ABCB1: variants seen among roughly 807,000 people sequenced by gnomAD.
The protein encoded by ABCB1 is ATP binding cassette subfamily B member 1, also known as ATP-dependent translocase ABCB1.
In ABCB1, 69 loss-of-function variants were observed where a neutral mutation model predicts 142.0. The ratio of observed to expected loss-of-function variants is 0.49; its 90% CI spans 0.40 to 0.59. The LOEUF (loss-of-function observed/expected upper bound fraction) is 0.59, where lower values mean the gene tolerates loss of function less well. ABCB1 is among the 20% of genes least tolerant of loss of function. ABCB1 has a pLI of 0.00. For synonymous variants in ABCB1, 532 were observed against 539.2 expected, an observed-to-expected ratio of 0.99 and a Z score of 0.18; for missense variants, 1,326 against 1,554.7, an observed-to-expected ratio of 0.85 and a Z score of 2.47.
At chr7:87,526,250 G>A (rs1815779621) in intron 21 of ABCB1, among the ~76,000 whole-genome samples, 1 of 151,282 alleles carries the variant, frequency 6.6e-6, no homozygotes, top group African/African-American at 2.4e-5. Context: ...TGTACATCTG[G>A]ACACAGTTTT....
chr7:87,547,256 G>C (rs1816823420), intron 14 of ABCB1, among the ~76,000 whole-genome samples: 1 of 152,128 alleles, frequency 6.6e-6, no homozygotes, highest in African/African-American at 2.4e-5. Context: ...AAAATTAGGT[G>C]GTAGAAACTA....
intron 14 of ABCB1, 85 bp from the exon 15 acceptor site, chr7:87,546,109 T>A: frequency 2.2e-6 from 3 of 1,371,818 alleles, no homozygotes; most frequent in Non-Finnish European, 3.1e-6. Context: ...ACTGAACCAA[T>A]GCTGTGGGCA....
intron 21 of ABCB1, among the ~76,000 whole-genome samples, chr7:87,525,797 A>G (rs931750246): frequency 2.0e-5 from 3 of 152,036 alleles, no homozygotes; most frequent in African/African-American, 7.2e-5. Flanking sequence ...AAAGGCAGGC[A>G]CACCTGGTGT....
intron 23 of ABCB1, among the ~76,000 whole-genome samples, chr7:87,518,220 A>G (rs1260257396): frequency 6.6e-6 from 1 of 152,174 alleles, no homozygotes; most frequent in Non-Finnish European, 1.5e-5. Context: ...TAAAATACCG[A>G]TAGTTAATCT....
At chr7:87,512,895 C>T (rs1012416940) in intron 25 of ABCB1, among the ~76,000 whole-genome samples, 28 of 152,304 alleles carry the variant, frequency 1.8e-4, no homozygotes, top group African/African-American at 6.5e-4. Flanking sequence ...GTCCTATGCA[C>T]TCAGCATTCA....
chr7:87,704,712 TCAAA>T (rs1829434961), intron 1 of ABCB1, among the ~76,000 whole-genome samples: 1 of 152,220 alleles, frequency 6.6e-6, no homozygotes, highest in Non-Finnish European at 1.5e-5. Flanking sequence ...TGCTCAGGCC[TCAAA>T]CAGATTCCAT....
intron 17 of ABCB1, 83 bp from the exon 18 acceptor site, chr7:87,541,547 T>C (rs1045808754): frequency 6.2e-6 from 6 of 960,506 alleles, no homozygotes; most frequent in Admixed American, 1.7e-5. Flanking sequence ...TCTGGCCCAG[T>C]ATTCAGGGGT....
In ABCB1 at chr7:87,686,429, G is replaced by A. The variant is rs375746756; in HGVS notation, c.-331+26732C>T. On this transcript the variant is annotated intron_variant, in intron 1 of 28. Transcript: ENST00000265724. ...GTGAGGGAAGGCTTTACACAAGAAA[G>A]AGGCATAGAAGTACCTCAAATGAAA... Among the ~76,000 whole-genome samples the A allele has an allele frequency of 2.1e-4, 32 of 152,200 alleles. No homozygotes were observed. In the East Asian group the frequency reaches 3.5e-3, roughly 17 times the overall value.
At chr7:87,669,235 C>A (rs1274580728) in intron 1 of ABCB1, among the ~76,000 whole-genome samples, 1 of 151,938 alleles carries the variant, frequency 6.6e-6, no homozygotes, top group South Asian at 2.1e-4. Flanking sequence ...AAGTAATGCC[C>A]TCTTTGTCTT....
At chr7:87,533,826 G>A (rs1433740575) in intron 20 of ABCB1, among the ~76,000 whole-genome samples, 1 of 152,110 alleles carries the variant, frequency 6.6e-6, no homozygotes, top group African/African-American at 2.4e-5. Context: ...GGCTTTCCTA[G>A]GTTGACAATG....
At chr7:87,510,904 C>T (rs1188962504) in intron 25 of ABCB1, among the ~76,000 whole-genome samples, 6 of 152,078 alleles carry the variant, frequency 3.9e-5, no homozygotes, top group Middle Eastern at 3.2e-3. Context: ...GGCTAAGCAG[C>T]AGATCTTGTT....
At chr7:87,665,755 G>T (rs1046193987) in intron 1 of ABCB1, among the ~76,000 whole-genome samples, 4 of 151,984 alleles carry the variant, frequency 2.6e-5, no homozygotes, top group African/African-American at 4.8e-5. Flanking sequence ...TGTGTAGTCA[G>T]TGTTTAGCTC....
intron 21 of ABCB1, chr7:87,521,633 T>C (rs1422955408): frequency 2.5e-6 from 2 of 788,068 alleles, no homozygotes; most frequent in African/African-American, 1.7e-5. Flanking sequence ...TCAAGGGACT[T>C]TGGGTTTGTC....
At chr7:87,648,579 A>G (rs1364399120) in intron 1 of ABCB1, among the ~76,000 whole-genome samples, 1 of 152,172 alleles carries the variant, frequency 6.6e-6, no homozygotes, top group Non-Finnish European at 1.5e-5. Flanking sequence ...TATAAATGAG[A>G]AGAATGAGGC....
At chr7:87,664,720 A>G (rs1426562007) in intron 1 of ABCB1, among the ~76,000 whole-genome samples, 1 of 152,168 alleles carries the variant, frequency 6.6e-6, no homozygotes, top group East Asian at 1.9e-4. Context: ...ACAGAACAGG[A>G]AGAAATTTAA....
intron 3 of ABCB1, among the ~76,000 whole-genome samples, chr7:87,591,744 T>A (rs890589038): frequency 2.6e-5 from 4 of 151,324 alleles, no homozygotes; most frequent in African/African-American, 9.7e-5. Context: ...CGAAAATAGA[T>A]AGAAGATAGT....
chr7:87,690,083 A>C (rs1827873344), intron 1 of ABCB1, among the ~76,000 whole-genome samples: 1 of 151,852 alleles, frequency 6.6e-6, no homozygotes, highest in African/African-American at 2.4e-5. Context: ...TTCTGCTTCC[A>C]CCTCCTAAAG....
rs200457208 is a variant in ABCB1 at position 87,550,581 on chromosome 7, A to G, written c.1114-3T>C. On this transcript the variant is annotated splice_polypyrimidine_tract_variant and splice_region_variant and intron_variant, in intron 10 of 27. Coordinates refer to ENST00000622132, the MANE Select transcript of ABCB1 (RefSeq NM_001348946.2). ...GAATAGCTGTCAATACTTGGCTTCTAAACAGAATCAAATTTTAAGAGATTA... is the reference window on the plus strand; with the variant it reads ...GAATAGCTGTCAATACTTGGCTTCTGAACAGAATCAAATTTTAAGAGATTA... The G allele has an allele frequency of 6.2e-7, 1 of 1,611,632 alleles. No individual in the cohort carries two copies. The highest frequency in any genetic ancestry group is 8.5e-7 in the Non-Finnish European group (1 of 1,178,504).
At chr7:87,685,689 T>A (rs1461493660) in intron 1 of ABCB1, among the ~76,000 whole-genome samples, 2 of 152,020 alleles carry the variant, frequency 1.3e-5, no homozygotes, top group Non-Finnish European at 2.9e-5. Flanking sequence ...AGGGTGGGGG[T>A]TGACAAGCAT....
Sources: gnomAD v4.1 joint callset for allele counts (sites outside exome capture counted in the v4.1 genomes callset) on GRCh38, gnomAD v4.1.1 for gene constraint, MANE v1.5 for transcripts, NCBI Gene and HGNC (gene_info 2026-07-23, HGNC 2026-07-21) for gene names.